The following ATP13A4 variants were observed in gnomAD, a reference collection of about 807,000 sequenced individuals.
ATP13A4 encodes ATPase 13A4.
A neutral mutation model predicts 142.5 loss-of-function variants in ATP13A4; 114 were observed. That is an observed-to-expected ratio of 0.80 (90% CI 0.69 to 0.93). The LOEUF (loss-of-function observed/expected upper bound fraction) is 0.93, where lower values mean the gene tolerates loss of function less well. Among genes scored for constraint, ATP13A4 ranks in the 40% least tolerant of loss-of-function variants. The pLI is 0.00. For synonymous variants in ATP13A4, 488 were observed against 514.8 expected (o/e 0.95, Z 0.70); for missense variants, 1,392 against 1,454.0 (o/e 0.96, Z 0.69).
At chr3:193,517,139 C>T (rs1721461515) in intron 1 of ATP13A4, among the ~76,000 whole-genome samples, 1 of 152,212 alleles carries the variant, frequency 6.6e-6, no homozygotes, top group Non-Finnish European at 1.5e-5. Flanking sequence ...ATGATGTGGG[C>T]TGGCCATTTC....
intron 18 of ATP13A4, among the ~76,000 whole-genome samples, chr3:193,444,341 T>A (rs997014594): frequency 6.6e-6 from 1 of 152,208 alleles, no homozygotes; most frequent in Non-Finnish European, 1.5e-5. Flanking sequence ...TCTAAAAATA[T>A]TCTTCATGAA....
At chr3:193,541,744 G>C (rs1560270554) in intron 1 of ATP13A4, among the ~76,000 whole-genome samples, 1 of 152,140 alleles carries the variant, frequency 6.6e-6, no homozygotes, top group Non-Finnish European at 1.5e-5. Flanking sequence ...AACTCTAGGA[G>C]AGGGCATGTG....
chr3:193,410,596 G>A (rs1333006331), intron 28 of ATP13A4, among the ~76,000 whole-genome samples: 1 of 152,112 alleles, frequency 6.6e-6, no homozygotes, highest in Non-Finnish European at 1.5e-5. Flanking sequence ...GCACACTTCT[G>A]CAGTCCTAGC....
chr3:193,421,532 G>T (rs941499662), intron 25 of ATP13A4, among the ~76,000 whole-genome samples: 1 of 149,952 alleles, frequency 6.7e-6, no homozygotes, highest in South Asian at 2.1e-4. Flanking sequence ...CTGTTATGGT[G>T]CTCTATAAAA....
rs918235699 is a variant in ATP13A4, at chr3:193,458,797, C to A, written c.1674+284G>T. 5 of 598,676 alleles carry A rather than the reference C, an allele frequency of 8.4e-6. No individual in the cohort carries two copies. In the Admixed American group the frequency reaches 8.8e-5, roughly 11 times the overall value. The allele number at this position is 598,676 out of a possible 1,614,324, so 37.1% of individuals were successfully genotyped here. A position where few individuals can be genotyped will look rare whatever the true frequency, so the allele number is the denominator to read the frequency against. ...ACAAGAAATAACTGCATAATAAGTA[C>A]AATTATATTAATATGATCGAACCTT... On this transcript the variant is annotated intron_variant, in intron 14 of 29. Coordinates refer to ENST00000342695, the MANE Select transcript of ATP13A4 (RefSeq NM_032279.4).
upstream of ATP13A4, among the ~76,000 whole-genome samples, chr3:193,559,744 T>C (rs1000300667): frequency 4.6e-5 from 7 of 152,194 alleles, no homozygotes; most frequent in Admixed American, 4.6e-4. Flanking sequence ...TCCCAGTGCC[T>C]TGGGGTGGCC....
At chr3:193,463,588 G>A (rs1576989964) in intron 12 of ATP13A4, among the ~76,000 whole-genome samples, 1 of 152,092 alleles carries the variant, frequency 6.6e-6, no homozygotes, top group Non-Finnish European at 1.5e-5. Context: ...TCAGAGAGCT[G>A]TGGTGAAGAT....
rs529096797 is a variant in ATP13A4 at position 193,531,015 on chromosome 3, A to G, written c.61-16144T>C. Among the ~76,000 whole-genome samples the G allele has an allele frequency of 1.0e-3, 157 of 152,146 alleles. 1 individual carries two copies. The highest frequency in any genetic ancestry group is 1.9e-3 in the Non-Finnish European group (127 of 68,018). Reference sequence around the variant, plus strand: ...CCTTTACATCTCAGTACCTTTGTACATTGTCTCCTTTGCCTTATCTGGACT... The same window carrying G: ...CCTTTACATCTCAGTACCTTTGTACGTTGTCTCCTTTGCCTTATCTGGACT... On this transcript the variant is annotated intron_variant, in intron 1 of 29. Coordinates refer to ENST00000342695, the MANE Select transcript of ATP13A4 (RefSeq NM_032279.4).
At chr3:193,465,334 C>T (rs1468488098) in intron 11 of ATP13A4, among the ~76,000 whole-genome samples, 3 of 152,090 alleles carry the variant, frequency 2.0e-5, no homozygotes, top group Admixed American at 2.0e-4. Flanking sequence ...ATTACAGGCA[C>T]ACGCCACCAC....
At position 193,583,690 on chromosome 3, in the gene ATP13A4, A is replaced by G. The variant is rs143442322; in HGVS notation, n.92-1784T>C. 4.1e-3 allele frequency among the ~76,000 whole-genome samples: 626 copies of G among 152,220 alleles called. 6 individuals carry two copies. The highest frequency in any genetic ancestry group is 0.015 in the African/African-American group (604 of 41,542). ...AATCAGACAATAAGTTGGCATTTCA[A>G]TACAATGAAAGAAGCTTGACCTCTA... On this transcript the variant is annotated intron_variant and non_coding_transcript_variant, in intron 1 of 3. Coordinates refer to the ATP13A4 transcript ENST00000489140.
At chr3:193,515,208 A>G (rs991967030) in intron 1 of ATP13A4, among the ~76,000 whole-genome samples, 1 of 152,148 alleles carries the variant, frequency 6.6e-6, no homozygotes, top group African/African-American at 2.4e-5. Context: ...CCCTGAAGTG[A>G]GATAATCATC....
At chr3:193,583,484 A>G (rs1724611950) in intron 1 of ATP13A4, among the ~76,000 whole-genome samples, 1 of 152,100 alleles carries the variant, frequency 6.6e-6, no homozygotes, top group Non-Finnish European at 1.5e-5. Context: ...AGAAAAAACA[A>G]GATGATAGCT....
At chr3:193,559,328 T>A (rs1297370648), upstream of ATP13A4, among the ~76,000 whole-genome samples, 1 of 152,156 alleles carries the variant, frequency 6.6e-6, no homozygotes, top group Non-Finnish European at 1.5e-5. Flanking sequence ...AAGTGCAATA[T>A]CTCTGCCTTG....
intron 14 of ATP13A4, 98 bp from the exon 15 acceptor site, chr3:193,457,563 C>T (rs1316896281): frequency 3.6e-6 from 4 of 1,107,780 alleles, no homozygotes; most frequent in Admixed American, 1.8e-5. Context: ...CCTCAGACCA[C>T]CTCAATGTGT....
At chr3:193,481,104 T>G (rs1035911394) in intron 8 of ATP13A4, among the ~76,000 whole-genome samples, 5 of 152,102 alleles carry the variant, frequency 3.3e-5, no homozygotes, top group African/African-American at 1.2e-4. Flanking sequence ...AATGACACAA[T>G]GCACTTTGGA....
In ATP13A4 at chr3:193,448,274, A is replaced by C. The variant is rs781732165; in HGVS notation, c.2084T>G (p.Leu695Trp). The C allele has an allele frequency of 6.2e-7, 1 of 1,614,180 alleles. No homozygotes were observed. Among genetic ancestry groups the C allele is most frequent in the Non-Finnish European group, 8.5e-7 (1 of 1,180,026 alleles). The change falls in exon 18 of 30, where the codon TTG becomes TGG. Residue 695 changes from leucine (L) to tryptophan (W), a missense_variant. Coordinates refer to ENST00000342695, the MANE Select transcript of ATP13A4 (RefSeq NM_032279.4). ...FLGLLILENR[L>W]KEETKPVLEE... is the part of the protein sequence containing the mutation. ...CAAGACAGGTTTTGTCTCTTCCTTCAATCGATTCTCCAAGATCAGCAGCCC... is the reference window on the plus strand; with the variant it reads ...CAAGACAGGTTTTGTCTCTTCCTTCCATCGATTCTCCAAGATCAGCAGCCC...
At position 193,454,344 on chromosome 3, in the gene ATP13A4, G is replaced by C. The variant is rs1717454249; in HGVS notation, c.1916-132C>G. The C allele has an allele frequency of 5.6e-6, 4 of 720,246 alleles. No individual in the cohort carries two copies. In the South Asian group the frequency reaches 6.0e-5, roughly 11 times the overall value. 44.6% of individuals were successfully genotyped at this position (720,246 alleles called of 1,614,324 possible). Reference sequence around the variant, plus strand: ...ACAAAGATATGTAAACAAGTCAGTTGAAAATTCTAAACATAACTACATTGT... The same window carrying C: ...ACAAAGATATGTAAACAAGTCAGTTCAAAATTCTAAACATAACTACATTGT... On this transcript the variant is annotated intron_variant, in intron 16 of 29. Coordinates refer to ENST00000342695, the MANE Select transcript of ATP13A4 (RefSeq NM_032279.4).
chr3:193,459,221 C>T lies in ATP13A4; in HGVS notation c.1534G>A (p.Val512Ile), dbSNP rs1336283325. ...VSCDRNGFQE[V>I]HSFASGQALP... is the part of the protein sequence containing the mutation. ...GCCTGGCCTGAGGCAAAGCTGTGAACTTCCTGAAAGCTTAAGGAGAAAAGG... is the reference window on the plus strand; with the variant it reads ...GCCTGGCCTGAGGCAAAGCTGTGAATTTCCTGAAAGCTTAAGGAGAAAAGG... Residue 512 changes from valine to isoleucine, a missense_variant, in exon 14 of 30, where the codon GTT (valine) becomes ATT (isoleucine). Coordinates refer to ENST00000342695, the MANE Select transcript of ATP13A4 (RefSeq NM_032279.4). 1 of 1,614,250 alleles carries T rather than the reference C, an allele frequency of 6.2e-7. No individual in the cohort carries two copies. The highest frequency in any genetic ancestry group is 8.5e-7 in the Non-Finnish European group (1 of 1,180,046).
chr3:193,468,682 G>A (rs1281746457), intron 9 of ATP13A4, among the ~76,000 whole-genome samples: 3 of 152,210 alleles, frequency 2.0e-5, no homozygotes, highest in African/African-American at 4.8e-5. Context: ...GGCAGGTGGA[G>A]GTGAAAGTGA....
Sources: gnomAD v4.1 joint callset for allele counts (sites outside exome capture counted in the v4.1 genomes callset) on GRCh38, gnomAD v4.1.1 for gene constraint, MANE v1.5 for transcripts, NCBI Gene and HGNC (gene_info 2026-07-23, HGNC 2026-07-21) for gene names.